DTNB: variants seen among roughly 807,000 people sequenced by gnomAD.
The protein encoded by DTNB is dystrobrevin beta, also known as DTN-B.
DTNB carries 63 observed loss-of-function variants against 90.7 expected under a neutral mutation model. The ratio of observed to expected loss-of-function variants is 0.69; its 90% CI spans 0.57 to 0.86. DTNB has a LOEUF of 0.86. DTNB is among the 40% of genes least tolerant of loss of function. DTNB has a pLI of 0.00. For missense variants in DTNB, 744 were observed against 807.1 expected (o/e 0.92, Z 0.95); for synonymous variants, 277 against 286.7 (o/e 0.97, Z 0.34).
At chr2:25,427,180 A>AACACAC (rs3041256) in intron 15 of DTNB, among the ~76,000 whole-genome samples, 9,642 of 139,500 alleles carry the variant, frequency 0.069, 428 homozygotes, top group African/African-American at 0.12. Flanking sequence ...TCCATCTCAA[A>AACACAC]ACACACACAC....
intron 9 of DTNB, chr2:25,497,517 G>A (rs1337833390): frequency 6.6e-6 from 1 of 152,250 alleles, no homozygotes; most frequent in African/African-American, 2.4e-5. Context: ...TAAGGCTTGA[G>A]TTTTTTGTTT....
At chr2:25,611,446 T>C (rs974569920) in intron 4 of DTNB, among the ~76,000 whole-genome samples, 2 of 152,212 alleles carry the variant, frequency 1.3e-5, no homozygotes, top group Non-Finnish European at 2.9e-5. Flanking sequence ...TCAGTATTCA[T>C]GGGCAATTGT....
chr2:25,428,050 A>T (rs923682866), intron 14 of DTNB: 1 of 154,306 alleles, frequency 6.5e-6, no homozygotes, highest in African/African-American at 2.4e-5. Flanking sequence ...GAAGGATGAC[A>T]GATCAGGACG....
At chr2:25,582,626 G>C (rs1193678220) in intron 6 of DTNB, among the ~76,000 whole-genome samples, 1 of 152,128 alleles carries the variant, frequency 6.6e-6, no homozygotes, top group Non-Finnish European at 1.5e-5. Flanking sequence ...TGGAACTACT[G>C]GGGGGCGGGA....
chr2:25,409,159 C>A (rs1418942943), intron 16 of DTNB, among the ~76,000 whole-genome samples: 1 of 152,122 alleles, frequency 6.6e-6, no homozygotes, highest in African/African-American at 2.4e-5. Context: ...AAAACCCAGA[C>A]AATGAAGTAA....
At chr2:25,576,303 G>A (rs1387683345) in intron 8 of DTNB, among the ~76,000 whole-genome samples, 2 of 141,192 alleles carry the variant, frequency 1.4e-5, no homozygotes, top group African/African-American at 5.3e-5. Context: ...TCGGCTCACT[G>A]CAAGCTCCAC....
In DTNB at chr2:25,560,019, C is replaced by T. The variant is rs558387332; in HGVS notation, c.876+16819G>A. 1.1e-4 allele frequency among the ~76,000 whole-genome samples: 17 copies of T among 152,310 alleles called. No homozygotes were observed. The East Asian group carries it at 1.3e-3, about 12-fold the overall frequency. ...ATCCCAACACTTTGAGAGGCCAAGG[C>T]GGGTGGATCACCTGAGGCCAGGAGT... On this transcript the variant is annotated intron_variant, in intron 8 of 20. Transcript: ENST00000406818.
intron 8 of DTNB, among the ~76,000 whole-genome samples, chr2:25,563,901 C>CT (rs990337659): frequency 6.7e-6 from 1 of 150,038 alleles, no homozygotes; most frequent in Non-Finnish European, 1.5e-5. Context: ...TTTCTTTTTT[C>CT]TTTTTTTGAG....
chr2:25,444,204 A>G (rs749533137), intron 12 of DTNB, among the ~76,000 whole-genome samples: 14 of 152,160 alleles, frequency 9.2e-5, no homozygotes, highest in Non-Finnish European at 1.3e-4. Context: ...TACGACTACA[A>G]TTTACCACAC....
At chr2:25,406,906 T>C (rs1009323299) in intron 16 of DTNB, among the ~76,000 whole-genome samples, 3 of 152,194 alleles carry the variant, frequency 2.0e-5, no homozygotes, top group Non-Finnish European at 1.5e-5. Context: ...GAGAGTCTCC[T>C]AGAATCTCTC....
Position 25,387,406 on chromosome 2 carries a change from G to A in DTNB, c.1736-28C>T. ...GAGGAGAGGCAGAGCAGATGGGGAT[G>A]CCAGGGTGGGTGAGCGTGGAGAAGA... On this transcript the variant is annotated intron_variant, in intron 17 of 20. Transcript: ENST00000406818. This position sits in a 1 kb window ranked among gnomAD's most constrained non-coding sequence, Gnocchi z 4.5. 6.2e-7 allele frequency: 1 copy of A among 1,603,422 alleles called. No individual in the cohort carries two copies. The highest frequency in any genetic ancestry group is 8.5e-7 in the Non-Finnish European group (1 of 1,171,952).
At chr2:25,403,308 G>T (rs944097917) in intron 16 of DTNB, among the ~76,000 whole-genome samples, 1 of 152,168 alleles carries the variant, frequency 6.6e-6, no homozygotes, top group African/African-American at 2.4e-5. Flanking sequence ...TAGAGATGGG[G>T]TTCCGCCATG....
intron 1 of DTNB, among the ~76,000 whole-genome samples, chr2:25,669,765 G>A (rs1036753812): frequency 6.6e-6 from 1 of 152,122 alleles, no homozygotes; most frequent in Non-Finnish European, 1.5e-5. Flanking sequence ...TTGCCAGCCT[G>A]AGCAACATGG....
chr2:25,620,958 T>C (rs1055155136), intron 4 of DTNB, among the ~76,000 whole-genome samples: 2 of 152,138 alleles, frequency 1.3e-5, no homozygotes, highest in African/African-American at 2.4e-5. Flanking sequence ...GCCCAGGAGT[T>C]CAAAGTTGCA....
intron 6 of DTNB, among the ~76,000 whole-genome samples, chr2:25,587,706 T>C (rs1487875382): frequency 6.6e-6 from 1 of 152,204 alleles, no homozygotes; most frequent in East Asian, 1.9e-4. Flanking sequence ...ATTCATTTAG[T>C]AAGACACTCT....
At chr2:25,459,022 G>T (rs1342485047) in intron 10 of DTNB, among the ~76,000 whole-genome samples, 1 of 151,360 alleles carries the variant, frequency 6.6e-6, no homozygotes, top group East Asian at 1.9e-4. Context: ...GTTCAGGTAT[G>T]TAATATGTCT....
intron 4 of DTNB, among the ~76,000 whole-genome samples, chr2:25,619,300 T>C (rs2071744033): frequency 6.6e-6 from 1 of 152,196 alleles, no homozygotes; most frequent in African/African-American, 2.4e-5. Context: ...TTATCATATG[T>C]AGCTAAACGT....
chr2:25,438,206 G>A (rs991076340), intron 12 of DTNB, among the ~76,000 whole-genome samples: 2 of 152,112 alleles, frequency 1.3e-5, no homozygotes, highest in Non-Finnish European at 1.5e-5. Flanking sequence ...TAGACCAGGG[G>A]TATCCAATCT....
chr2:25,411,737 T>G (rs762378084), intron 16 of DTNB, among the ~76,000 whole-genome samples: 12 of 152,230 alleles, frequency 7.9e-5, no homozygotes, highest in Non-Finnish European at 1.5e-4. Context: ...ATGTCAACCA[T>G]GAAATAACTT....
Sources: allele counts gnomAD v4.1 joint callset (sites outside exome capture counted in the v4.1 genomes callset), GRCh38; gene constraint gnomAD v4.1.1; non-coding constraint Gnocchi (gnomAD v3.1); transcripts MANE v1.5; gene names NCBI Gene and HGNC (gene_info 2026-07-23, HGNC 2026-07-21).